NPAS3: variants seen among roughly 807,000 people sequenced by gnomAD.
NPAS3 encodes the protein neuronal PAS domain-containing protein 3.
A neutral mutation model predicts 73.1 loss-of-function variants in NPAS3; 14 were observed. The ratio of observed to expected loss-of-function variants is 0.19; its 90% CI spans 0.13 to 0.30. The LOEUF is 0.30. Ranked by LOEUF, NPAS3 falls within the 10% of genes least tolerant of loss-of-function variation. NPAS3 has a pLI of 1.00. For missense variants in NPAS3, 1,096 were observed against 1,250.0 expected, an observed-to-expected ratio of 0.88 and a Z score of 1.86; for synonymous variants, 620 against 541.5, an observed-to-expected ratio of 1.14 and a Z score of -2.01.
intron 1 of NPAS3, among the ~76,000 whole-genome samples, chr14:33,027,276 T>C (rs1019742398): frequency 6.6e-6 from 1 of 152,154 alleles, no homozygotes; most frequent in Non-Finnish European, 1.5e-5. Flanking sequence ...AAAATAAGTT[T>C]TCTCTTTTGG....
chr14:33,163,433 T>C (rs1307678326), intron 2 of NPAS3, among the ~76,000 whole-genome samples: 3 of 152,090 alleles, frequency 2.0e-5, no homozygotes, highest in Non-Finnish European at 2.9e-5. Flanking sequence ...GCAAATTGAG[T>C]TGATATGTAG....
At chr14:33,027,990 C>G (rs999346723) in intron 1 of NPAS3, among the ~76,000 whole-genome samples, 2 of 152,156 alleles carry the variant, frequency 1.3e-5, no homozygotes, top group Non-Finnish European at 2.9e-5. Flanking sequence ...AGTGAGTTTT[C>G]AAACTCATAT....
chr14:33,634,679 G>C (rs998015944), intron 5 of NPAS3, among the ~76,000 whole-genome samples: 3 of 152,216 alleles, frequency 2.0e-5, no homozygotes, highest in Non-Finnish European at 4.4e-5. Context: ...TGGGGGAATA[G>C]GTTTGGGGAT....
chr14:33,002,538 A>G (rs2038846977), intron 1 of NPAS3, among the ~76,000 whole-genome samples: 1 of 152,210 alleles, frequency 6.6e-6, no homozygotes, highest in South Asian at 2.1e-4. Context: ...TTTTTCAGAC[A>G]GCGAAGTGGC....
chr14:33,286,013 T>G (rs2140087193), intron 3 of NPAS3, among the ~76,000 whole-genome samples: 1 of 152,278 alleles, frequency 6.6e-6, no homozygotes, highest in Middle Eastern at 3.4e-3. Context: ...ATGGGATGTC[T>G]TTGTTAGTTT....
At chr14:33,231,276 G>T (rs1038882652) in intron 3 of NPAS3, among the ~76,000 whole-genome samples, 1 of 152,104 alleles carries the variant, frequency 6.6e-6, no homozygotes, top group Non-Finnish European at 1.5e-5. Context: ...TGTAAAATCA[G>T]TTATTTTGCT....
intron 4 of NPAS3, among the ~76,000 whole-genome samples, chr14:33,498,147 A>G (rs1306314349): frequency 6.6e-6 from 1 of 152,188 alleles, no homozygotes; most frequent in Non-Finnish European, 1.5e-5. Flanking sequence ...ATGAGATGCT[A>G]TCTCCCACCA....
chr14:33,776,645 T>C (rs2062830253), intron 8 of NPAS3, among the ~76,000 whole-genome samples: 1 of 150,066 alleles, frequency 6.7e-6, no homozygotes, highest in African/African-American at 2.5e-5. Flanking sequence ...AAAATACCTG[T>C]ATGAAAGGTA....
At chr14:33,344,749 G>A (rs188714571) in intron 3 of NPAS3, among the ~76,000 whole-genome samples, 207 of 152,162 alleles carry the variant, frequency 1.4e-3, no homozygotes, top group Non-Finnish European at 2.0e-3. Flanking sequence ...ATTTAATAGC[G>A]TACAGTTTCC....
intron 4 of NPAS3, among the ~76,000 whole-genome samples, chr14:33,538,615 AATTATT>A (rs1368992692): frequency 6.6e-6 from 1 of 152,336 alleles, no homozygotes; most frequent in East Asian, 1.9e-4. Flanking sequence ...GACTTATGAG[AATTATT>A]ATTATTAATA....
intron 5 of NPAS3, among the ~76,000 whole-genome samples, chr14:33,585,701 A>T (rs947480996): frequency 1.3e-5 from 2 of 152,216 alleles, no homozygotes; most frequent in Non-Finnish European, 2.9e-5. Flanking sequence ...TAATGTCATT[A>T]ATGTTCCAAA....
At chr14:33,124,141 A>G (rs1425533650) in intron 2 of NPAS3, among the ~76,000 whole-genome samples, 1 of 152,090 alleles carries the variant, frequency 6.6e-6, no homozygotes, top group East Asian at 1.9e-4. Flanking sequence ...GGTGTGAGCC[A>G]CTGTGCCCAG....
intron 6 of NPAS3, among the ~76,000 whole-genome samples, chr14:33,724,276 T>C (rs2140565208): frequency 6.6e-6 from 1 of 152,218 alleles, no homozygotes; most frequent in African/African-American, 2.4e-5. Context: ...AAATATGTGA[T>C]TCATTTAAAA....
At chr14:33,167,234 G>A (rs950805419) in intron 2 of NPAS3, among the ~76,000 whole-genome samples, 3 of 152,074 alleles carry the variant, frequency 2.0e-5, no homozygotes, top group Admixed American at 6.6e-5. Context: ...TTAGCAGAGG[G>A]GCCGTGATCA....
intron 4 of NPAS3, among the ~76,000 whole-genome samples, chr14:33,521,800 A>G (rs2053569580): frequency 6.6e-6 from 1 of 152,154 alleles, no homozygotes; most frequent in African/African-American, 2.4e-5. Context: ...TGAATTTCCA[A>G]TGCCTTGCAT....
chr14:33,421,923 T>C (rs2048374600), intron 4 of NPAS3, among the ~76,000 whole-genome samples: 1 of 151,968 alleles, frequency 6.6e-6, no homozygotes, highest in South Asian at 2.1e-4. Context: ...CTTCTTTAAC[T>C]GGAGTAGTTT....
Position 33,235,784 on chromosome 14 carries a change from A to G in NPAS3, c.385+20358A>G, listed in dbSNP as rs985337414. Among the ~76,000 whole-genome samples the G allele has an allele frequency of 4.0e-5, 6 of 150,614 alleles. No homozygotes were observed. In the East Asian group the frequency reaches 9.7e-4, roughly 24 times the overall value. ...AAGTACATCTTGCGTACAAAAGACTAAAAGTTCTGTTGATACAATTCTTTT... is the reference window on the plus strand; with the variant it reads ...AAGTACATCTTGCGTACAAAAGACTGAAAGTTCTGTTGATACAATTCTTTT... On this transcript the variant is annotated intron_variant, in intron 3 of 11. Transcript: ENST00000356141.
At chr14:33,655,892 T>G (rs768114864) in intron 5 of NPAS3, among the ~76,000 whole-genome samples, 31 of 152,132 alleles carry the variant, frequency 2.0e-4, no homozygotes, top group Non-Finnish European at 3.1e-4. Flanking sequence ...GTTTTCTATC[T>G]ATTTGCAAAC....
chr14:33,800,129 A>G lies in NPAS3; in HGVS notation c.1822A>G (p.Lys608Glu). ...GCGCAAGAAAAGGCGGAAACGGCAA[A>G]AGGGCGGCAGCGCCAGCCGCCGGCG... Residue 608 changes from lysine (K) to glutamate (E), a missense_variant, in exon 12 of 12, where the codon AAG (lysine) becomes GAG (glutamate). Physicochemically the swap from Lys to Glu is moderately conservative, Grantham distance 56. Transcript: ENST00000356141. This position sits in a 1 kb window ranked among gnomAD's most constrained non-coding sequence, Gnocchi z 6.5. The G allele has an allele frequency of 6.3e-7, 1 of 1,583,040 alleles. No individual in the cohort carries two copies. Among genetic ancestry groups the G allele is most frequent in the South Asian group, 1.1e-5 (1 of 88,542 alleles).
Sources: allele counts gnomAD v4.1 joint callset (sites outside exome capture counted in the v4.1 genomes callset), GRCh38; gene constraint gnomAD v4.1.1; non-coding constraint Gnocchi (gnomAD v3.1); transcripts MANE v1.5; gene names NCBI Gene and HGNC (gene_info 2026-07-23, HGNC 2026-07-21).